Variants in MUTYH observed in about 807,000 individuals in gnomAD.
MUTYH encodes adenine DNA glycosylase.
Under a neutral mutation model 72.9 loss-of-function variants are expected in MUTYH, and 64 were observed. The ratio of observed to expected loss-of-function variants is 0.88; its 90% confidence interval spans 0.72 to 1.08. The LOEUF (loss-of-function observed/expected upper bound fraction) is 1.08. Among genes scored for constraint, MUTYH ranks in the 50% least tolerant of loss-of-function variants. The pLI, the probability that MUTYH is intolerant of heterozygous loss-of-function variation, is 0.00. For missense variants in MUTYH, 633 were observed against 671.0 expected (o/e 0.94, Z 0.63); for synonymous variants, 234 against 263.1 (o/e 0.89, Z 1.07).
chr1:45,334,774 G>A (rs1570471068), intron 1 of MUTYH, among the ~76,000 whole-genome samples: 1 of 152,216 alleles, frequency 6.6e-6, no homozygotes, highest in Non-Finnish European at 1.5e-5. Context: ...GCTGGGATGG[G>A]TCAAGGATGA....
intron 1 of MUTYH, among the ~76,000 whole-genome samples, chr1:45,339,360 C>G (rs1646541396): frequency 6.6e-6 from 1 of 151,866 alleles, no homozygotes; most frequent in East Asian, 1.9e-4. Flanking sequence ...TACAGGCGCC[C>G]GCACCATACC....
At chr1:45,330,756 C>T (rs965774169) in intron 14 of MUTYH, among the ~76,000 whole-genome samples, 199 bp from the exon 15 acceptor site, 2 of 151,962 alleles carry the variant, frequency 1.3e-5, no homozygotes, top group Non-Finnish European at 2.9e-5. Context: ...TTGAGACCAG[C>T]CTGGCCAACA....
At chr1:45,340,432 G>T, upstream of MUTYH, 1 of 1,521,492 alleles carries the variant, frequency 6.6e-7, no homozygotes, top group Non-Finnish European at 8.8e-7. Context: ...CTAGCCACGA[G>T]GAGACTACAA....
rs758523512 is a variant in MUTYH, at chr1:45,339,909, C to T, written c.-17G>A. The T allele has an allele frequency of 1.0e-5, 15 of 1,428,700 alleles. No homozygotes were observed. Among genetic ancestry groups the T allele is most frequent in the African/African-American group, 1.4e-5 (1 of 70,318 alleles). The allele number at this position is 1,428,700 out of a possible 1,614,324, so 88.5% of individuals were successfully genotyped here. On this transcript the variant is annotated 5_prime_UTR_variant, in exon 1 of 16. It adds an upstream start codon to the 5' untranslated region. Transcript: ENST00000456914. ...CCCACTACCCGCTACCCGCGGCCCA[C>T]GCTGATGAAGACAGCAGAACACGGA...
In MUTYH at chr1:45,332,656, C is replaced by T. The variant is rs538383136; in HGVS notation, c.524G>A (p.Arg175His). The change falls in exon 8 of 16, where the codon CGT (arginine) becomes CAT (histidine). Residue 175 changes from arginine (R) to histidine (H), a missense_variant. Arg to His is a conservative substitution (Grantham distance 29, BLOSUM62 0). Coordinates refer to ENST00000456914, the MANE Select transcript of MUTYH (RefSeq NM_001048174.2). The part of the protein sequence containing the change: ...VVEELGGHMP[R>H]TAETLQQLLP... ...GAGCTGCTGCAGGGTCTCTGCTGTA[C>T]GTGGCATGTGGCCCCCTAGCTCCTC... 3.1e-6 allele frequency: 5 copies of T among 1,613,988 alleles called. No homozygotes were observed. Among genetic ancestry groups the T allele is most frequent in the South Asian group, 2.2e-5 (2 of 91,082 alleles).
At chr1:45,334,076 G>A (rs771305564) in intron 2 of MUTYH, 6 of 398,370 alleles carry the variant, frequency 1.5e-5, no homozygotes, top group Non-Finnish European at 2.9e-5. Context: ...GCATTATCTT[G>A]ACTCAGTGCA....
intron 12 of MUTYH, 34 bp downstream of exon 12, chr1:45,331,627 A>G: frequency 1.2e-6 from 2 of 1,613,352 alleles, no homozygotes; most frequent in Non-Finnish European, 8.5e-7. Flanking sequence ...CTTGTTACTC[A>G]TGCCACTGCC....
At chr1:45,330,650 TTTAAAATATGC>T in intron 14 of MUTYH, 93 bp from the exon 15 acceptor site, 1 of 1,451,308 alleles carries the variant, frequency 6.9e-7, no homozygotes, top group South Asian at 1.2e-5. Flanking sequence ...AGTACTTTTG[TTTAAAATATGC>T]TTTTTTGGCC....
At chr1:45,330,685 C>A in intron 14 of MUTYH, 128 bp from the exon 15 acceptor site, 1 of 1,139,734 alleles carries the variant, frequency 8.8e-7, no homozygotes, top group South Asian at 1.3e-5. Context: ...CATGGTGGCT[C>A]ACGCCTATAA....
chr1:45,332,665 T>C lies in MUTYH; in HGVS notation c.515A>G (p.His172Arg). Residue 172 changes from histidine (H) to arginine (R), a missense_variant, in exon 8 of 16, where the codon CAC becomes CGC. Physicochemically the swap from His to Arg is conservative, Grantham distance 29 (BLOSUM62 0). Transcript: ENST00000456914. ...ARKVVEELGG[H>R]MPRTAETLQQ... Reference sequence around the variant, plus strand: ...CAGGGTCTCTGCTGTACGTGGCATGTGGCCCCCTAGCTCCTCTACCACCTG... The same window carrying C: ...CAGGGTCTCTGCTGTACGTGGCATGCGGCCCCCTAGCTCCTCTACCACCTG... 1 of 1,614,086 alleles carries C rather than the reference T, an allele frequency of 6.2e-7. No homozygotes were observed. Among genetic ancestry groups the C allele is most frequent in the Non-Finnish European group, 8.5e-7 (1 of 1,179,982 alleles).
At chr1:45,334,532 C>G in intron 1 of MUTYH, 21 bp from the exon 2 acceptor site, 1 of 1,613,928 alleles carries the variant, frequency 6.2e-7, no homozygotes, top group South Asian at 1.1e-5. Flanking sequence ...AAGACCCAGC[C>G]AAAGCAGTCA....
intron 15 of MUTYH, chr1:45,329,744 C>A: frequency 2.6e-6 from 1 of 377,388 alleles, no homozygotes; most frequent in South Asian, 3.1e-5. Context: ...CCAGCTAAAC[C>A]AACTGCTCAC....
chr1:45,331,996 G>A, intron 11 of MUTYH, 27 bp downstream of exon 11: 1 of 1,614,180 alleles, frequency 6.2e-7, no homozygotes, highest in Non-Finnish European at 8.5e-7. Flanking sequence ...AGGAAGGGTT[G>A]GGGTGGGGGC....
chr1:45,336,084 C>T lies in MUTYH; in HGVS notation c.-6-1573G>A, dbSNP rs146398691. 1.9e-3 allele frequency among the ~76,000 whole-genome samples: 293 copies of T among 152,288 alleles called. 1 individual carries two copies. Among genetic ancestry groups the T allele is most frequent in the African/African-American group, 6.6e-3 (274 of 41,548 alleles). ...GTGTACCTCAGGATCACTCAAATTC[C>T]AAAGAGAACTATTAACAAGTCAACC... On this transcript the variant is annotated intron_variant, in intron 1 of 15. Transcript: ENST00000456914.
intron 2 of MUTYH, 110 bp downstream of exon 2, chr1:45,334,281 A>G (rs1645529591): frequency 6.5e-7 from 1 of 1,535,512 alleles, no homozygotes; most frequent in Non-Finnish European, 8.9e-7. Flanking sequence ...GAGCCACCGC[A>G]CCTGGCCCTT....
chr1:45,338,949 T>C (rs1200175573), intron 1 of MUTYH, among the ~76,000 whole-genome samples: 2 of 151,986 alleles, frequency 1.3e-5, no homozygotes, highest in Non-Finnish European at 2.9e-5. Flanking sequence ...TTTCTTTTTG[T>C]AGAGACAAGG....
intron 1 of MUTYH, 186 bp downstream of exon 1, chr1:45,339,713 G>C: frequency 1.3e-6 from 1 of 770,914 alleles, no homozygotes. Flanking sequence ...CCCACTCCCC[G>C]CCTCTTTCAC....
chr1:45,338,225 C>T (rs1419570528), intron 1 of MUTYH: 1 of 530,584 alleles, frequency 1.9e-6, no homozygotes, highest in Non-Finnish European at 3.7e-6. Context: ...CACACCCTTG[C>T]TCTTAGAAGG....
At position 45,332,496 on chromosome 1, in the gene MUTYH, A is replaced by C. The variant is rs1172990179; in HGVS notation, c.607-8T>G. The C allele has an allele frequency of 6.2e-7, 1 of 1,614,096 alleles. No individual in the cohort carries two copies. Among genetic ancestry groups the C allele is most frequent in the East Asian group, 2.2e-5 (1 of 44,876 alleles). ...ATCCACCACACCGGTTGCCTGGCAC[A>C]GAGGGGCCAAAGAGTTAGCCTGGGC... is the stretch of plus-strand genomic sequence containing the variant. On this transcript the variant is annotated splice_polypyrimidine_tract_variant and splice_region_variant and intron_variant, in intron 8 of 15. Transcript: ENST00000456914.
Sources: gnomAD v4.1 joint callset for allele counts (sites outside exome capture counted in the v4.1 genomes callset) on GRCh38, gnomAD v4.1.1 for gene constraint, MANE v1.5 for transcripts, NCBI Gene and HGNC (gene_info 2026-07-23, HGNC 2026-07-21) for gene names.